TRPM5: variants seen among roughly 807,000 people sequenced by gnomAD.
TRPM5 encodes the protein MLSN1 and TRP-related.
TRPM5 carries 121 observed loss-of-function variants against 124.9 expected under a neutral mutation model. The observed-to-expected ratio is 0.97, with a 90% CI of 0.84 to 1.13. TRPM5 has a LOEUF of 1.13. TRPM5 is among the 50% of genes most tolerant of loss of function. The pLI is 0.00. For synonymous variants in TRPM5, 781 were observed against 700.5 expected, an observed-to-expected ratio of 1.11 and a Z score of -1.81; for missense variants, 1,643 against 1,589.1, an observed-to-expected ratio of 1.03 and a Z score of -0.58.
chr11:2,408,506 C>CT (rs1398798715), intron 18 of TRPM5, among the ~76,000 whole-genome samples: 2 of 152,252 alleles, frequency 1.3e-5, no homozygotes. Context: ...GCACCGATCC[C>CT]GCACTGGGCC....
At chr11:2,412,806 T>C in exon 15 of TRPM5, 1 of 1,606,870 alleles carries the variant, frequency 6.2e-7, no homozygotes, top group Non-Finnish European at 8.5e-7. Context: ...GAGGGTGACC[T>C]CGGGCCCTGA....
At chr11:2,405,174 G>C (rs933591953) in intron 23 of TRPM5, 131 bp from the exon 29 acceptor site, 16 of 701,060 alleles carry the variant, frequency 2.3e-5, no homozygotes, top group Non-Finnish European at 2.4e-6. Flanking sequence ...AGGCCAGCCT[G>C]GGGAAGATGG....
At chr11:2,431,533 A>C in the TRPM5 span, among the ~76,000 whole-genome samples, 1 of 152,160 alleles carries the variant, frequency 6.6e-6, no homozygotes, top group Non-Finnish European at 1.5e-5. Context: ...AAAAGACTAC[A>C]GAAGTTCTTC....
the TRPM5 span, among the ~76,000 whole-genome samples, chr11:2,433,310 T>TC: frequency 6.6e-6 from 1 of 152,202 alleles, no homozygotes; most frequent in Non-Finnish European, 1.5e-5. Flanking sequence ...CCTACCCTGC[T>TC]CCCCGCAGAG....
chr11:2,431,306 C>T, the TRPM5 span, among the ~76,000 whole-genome samples: 1 of 152,054 alleles, frequency 6.6e-6, no homozygotes, highest in African/African-American at 2.4e-5. Context: ...TCTTGGGGGC[C>T]CTGGGCAAGG....
At chr11:2,428,219 G>A in the TRPM5 span, among the ~76,000 whole-genome samples, 16 of 152,304 alleles carry the variant, frequency 1.1e-4, no homozygotes, top group Admixed American at 1.0e-3. The surrounding 1 kb of genome is among the most constrained non-coding windows in gnomAD (Gnocchi z 4.0). Flanking sequence ...CACATGAGGA[G>A]AACAGAGCCT....
chr11:2,411,357 A>T (rs760272755), exon 18 of TRPM5: 5 of 1,598,404 alleles, frequency 3.1e-6, no homozygotes, highest in Non-Finnish European at 4.3e-6. Context: ...CAAACCATCA[A>T]TCTCGTCCAG....
chr11:2,437,832 G>A, the TRPM5 span, among the ~76,000 whole-genome samples: 7 of 152,268 alleles, frequency 4.6e-5, no homozygotes, highest in South Asian at 1.0e-3. The surrounding 1 kb of genome is among the most constrained non-coding windows in gnomAD (Gnocchi z 5.6). Flanking sequence ...ATGAGCATGC[G>A]GGGGCAGGTA....
chr11:2,430,782 TTGA>T, the TRPM5 span, among the ~76,000 whole-genome samples: 217 of 106,398 alleles, frequency 2.0e-3, no homozygotes, highest in African/African-American at 7.6e-3. Flanking sequence ...GATGGTGGTG[TTGA>T]TGGTGGTGGT....
chr11:2,405,423 C>T, intron 23 of TRPM5, 104 bp downstream of exon 28: 1 of 1,241,914 alleles, frequency 8.1e-7, no homozygotes, highest in Non-Finnish European at 1.1e-6. Flanking sequence ...GACTCCCGGG[C>T]CAGGCAGGGA....
At chr11:2,428,681 T>C in the TRPM5 span, among the ~76,000 whole-genome samples, 1 of 151,018 alleles carries the variant, frequency 6.6e-6, no homozygotes, top group Non-Finnish European at 1.5e-5. The surrounding 1 kb of genome is among the most constrained non-coding windows in gnomAD (Gnocchi z 4.0). Flanking sequence ...ATGACGAAGA[T>C]GATGATGATA....
At chr11:2,413,180 C>A in exon 14 of TRPM5, 2 of 1,552,432 alleles carry the variant, frequency 1.3e-6, no homozygotes, top group Admixed American at 1.9e-5. Context: ...TCCAGGCTGT[C>A]CAGGTCCTGC....
At chr11:2,415,470 G>T in exon 9 of TRPM5, 1 of 1,558,430 alleles carries the variant, frequency 6.4e-7, no homozygotes, top group Admixed American at 1.8e-5. Context: ...CAGGTCACAG[G>T]ACTTGGCGGC....
intron 18 of TRPM5, among the ~76,000 whole-genome samples, chr11:2,409,201 C>A (rs981389283): frequency 5.3e-5 from 8 of 152,106 alleles, no homozygotes; most frequent in Non-Finnish European, 1.2e-4. Flanking sequence ...GCCCTCCCCA[C>A]GCTCCCACCC....
chr11:2,435,328 G>A, the TRPM5 span, among the ~76,000 whole-genome samples: 1 of 152,070 alleles, frequency 6.6e-6, no homozygotes, highest in Non-Finnish European at 1.5e-5. This position sits in a 1 kb window ranked among gnomAD's most constrained non-coding sequence, Gnocchi z 4.1. Flanking sequence ...ATAACTGGAC[G>A]AAGGGCGGCC....
At chr11:2,414,681 CG>C (rs1850527965) in intron 11 of TRPM5, 33 bp downstream of exon 16, 1 of 1,399,298 alleles carries the variant, frequency 7.1e-7, no homozygotes, top group Non-Finnish European at 9.2e-7. Context: ...TCCTCCCCCG[CG>C]CGCGGGCCCG....
chr11:2,420,547 C>T, intron 3 of TRPM5, 142 bp from the exon 9 acceptor site: 1 of 851,668 alleles, frequency 1.2e-6, no homozygotes, highest in South Asian at 1.8e-5. Context: ...GTTTCCCCAC[C>T]CTTCAGACAA....
chr11:2,411,655 T>A, exon 17 of TRPM5: 1 of 1,612,102 alleles, frequency 6.2e-7, no homozygotes, highest in Non-Finnish European at 8.5e-7. Flanking sequence ...ACCACGATGA[T>A]CTTGGGGCCC....
chr11:2,424,756 T>C (rs1845823010), upstream of TRPM5, among the ~76,000 whole-genome samples: 1 of 152,102 alleles, frequency 6.6e-6, no homozygotes, highest in Non-Finnish European at 1.5e-5. Flanking sequence ...TCCAGAACCA[T>C]GAGAGAATCA....
Sources: allele counts gnomAD v4.1 joint callset (sites outside exome capture counted in the v4.1 genomes callset), GRCh38; gene constraint gnomAD v4.1.1; non-coding constraint Gnocchi (gnomAD v3.1); transcripts MANE v1.5; gene names NCBI Gene and HGNC (gene_info 2026-07-23, HGNC 2026-07-21).